CMSS1: variants seen among roughly 807,000 people sequenced by gnomAD.
The protein encoded by CMSS1 is cms1 ribosomal small subunit homolog.
CMSS1 carries 33 observed loss-of-function variants against 43.5 expected under a neutral mutation model. The ratio of observed to expected loss-of-function variants is 0.76; its 90% confidence interval spans 0.57 to 1.01. CMSS1 has a LOEUF of 1.01. CMSS1 is among the 50% of genes least tolerant of loss of function. The pLI, the probability that CMSS1 is intolerant of heterozygous loss-of-function variation, is 0.00. For synonymous variants in CMSS1, 115 were observed against 117.2 expected (o/e 0.98, Z 0.12); for missense variants, 313 against 326.4 (o/e 0.96, Z 0.32).
Position 99,920,303 on chromosome 3 carries a change from G to GA in CMSS1, c.64+102269dup, listed in dbSNP as rs546234576. Among the ~76,000 whole-genome samples, 538 of 149,958 alleles carry GA rather than the reference G, an allele frequency of 3.6e-3. 6 individuals are homozygous for GA. Among genetic ancestry groups the GA allele is most frequent in the African/African-American group, 0.011 (453 of 40,946 alleles). On this transcript the variant is annotated intron_variant, in intron 1 of 9. Transcript: ENST00000421999. ...CTTTTGCCCCATTGAAACTGAAAAA[G>GA]AAAAAAAAATATGCAAGCTTTTTTG...
At chr3:99,960,365 G>A (rs1708455564) in intron 1 of CMSS1, among the ~76,000 whole-genome samples, 1 of 152,170 alleles carries the variant, frequency 6.6e-6, no homozygotes, top group Non-Finnish European at 1.5e-5. Context: ...CTGGATGTCA[G>A]ATCAAACACT....
chr3:100,099,594 G>A (rs992214183), intron 1 of CMSS1, among the ~76,000 whole-genome samples: 1 of 152,082 alleles, frequency 6.6e-6, no homozygotes, highest in African/African-American at 2.4e-5. Flanking sequence ...TTACACAGGG[G>A]AATTACAATA....
chr3:100,119,191 G>A (rs899318996), intron 1 of CMSS1, among the ~76,000 whole-genome samples: 1 of 151,830 alleles, frequency 6.6e-6, no homozygotes, highest in Admixed American at 6.6e-5. Flanking sequence ...GGTGTTGACA[G>A]ATATATATTG....
At chr3:99,830,858 A>G (rs555487450) in intron 1 of CMSS1, among the ~76,000 whole-genome samples, 30 of 152,354 alleles carry the variant, frequency 2.0e-4, no homozygotes, top group Middle Eastern at 3.4e-3. Flanking sequence ...ATATTTGGCA[A>G]TCACGGTGTA....
chr3:100,058,555 C>T (rs2065504957), intron 1 of CMSS1, among the ~76,000 whole-genome samples: 1 of 152,190 alleles, frequency 6.6e-6, no homozygotes, highest in African/African-American at 2.4e-5. Context: ...TCAGCTTTTG[C>T]TCCTCCAACT....
intron 1 of CMSS1, among the ~76,000 whole-genome samples, chr3:99,879,889 GAGGTAT>G (rs989153745): frequency 2.4e-4 from 36 of 152,312 alleles, no homozygotes; most frequent in African/African-American, 8.4e-4. Flanking sequence ...TGCATAGGGA[GAGGTAT>G]AGTTCCATGG....
chr3:99,837,753 A>G lies in CMSS1; in HGVS notation c.64+19710A>G, dbSNP rs1004039926. On this transcript the variant is annotated intron_variant, in intron 1 of 9. Transcript: ENST00000421999. ...GGGAGTGCCAGTCTTATTAAGTTAC[A>G]GTGTTCCTTGAGAAATAGAAATCCA... is the stretch of plus-strand genomic sequence containing the variant. 3.9e-5 allele frequency among the ~76,000 whole-genome samples: 6 copies of G among 152,344 alleles called. No homozygotes were observed. In the East Asian group the frequency reaches 5.8e-4, roughly 15 times the overall value.
At chr3:100,014,181 T>C (rs567680484) in intron 1 of CMSS1, among the ~76,000 whole-genome samples, 1 of 151,076 alleles carries the variant, frequency 6.6e-6, no homozygotes, top group South Asian at 2.1e-4. Flanking sequence ...AATAGTAGTA[T>C]TACATTGTAT....
At chr3:99,876,729 C>G (rs1333309919) in intron 1 of CMSS1, among the ~76,000 whole-genome samples, 1 of 152,026 alleles carries the variant, frequency 6.6e-6, no homozygotes, top group African/African-American at 2.4e-5. Context: ...AACTACCAAA[C>G]AATTCTTCAA....
chr3:99,991,985 TATATATAC>T (rs1217591523), intron 1 of CMSS1, among the ~76,000 whole-genome samples: 19 of 150,338 alleles, frequency 1.3e-4, no homozygotes, highest in African/African-American at 4.6e-4. Flanking sequence ...CATATATGTG[TATATATAC>T]GTATATATAT....
chr3:99,918,316 G>A (rs1406729157), intron 1 of CMSS1, among the ~76,000 whole-genome samples: 6 of 152,088 alleles, frequency 3.9e-5, no homozygotes, highest in Admixed American at 2.0e-4. Context: ...TTGAGGAATG[G>A]AATTTGCCAA....
chr3:99,935,786 C>T (rs1707646050), intron 1 of CMSS1, among the ~76,000 whole-genome samples: 1 of 152,150 alleles, frequency 6.6e-6, no homozygotes, highest in African/African-American at 2.4e-5. Context: ...CTTTGTTTTC[C>T]TATGTAGTTC....
chr3:99,991,840 G>GTT (rs981431113), intron 1 of CMSS1, among the ~76,000 whole-genome samples: 5 of 148,650 alleles, frequency 3.4e-5, no homozygotes, highest in African/African-American at 7.5e-5. Context: ...ATATATATGT[G>GTT]TGTGTGTGTG....
intron 1 of CMSS1, among the ~76,000 whole-genome samples, chr3:99,892,187 T>G (rs1706104107): frequency 6.6e-6 from 1 of 152,228 alleles, no homozygotes; most frequent in African/African-American, 2.4e-5. Flanking sequence ...CTTTGAGAAC[T>G]GCATCTTGAA....
intron 1 of CMSS1, among the ~76,000 whole-genome samples, chr3:100,036,205 A>G (rs1275049413): frequency 1.3e-5 from 2 of 152,214 alleles, no homozygotes; most frequent in Non-Finnish European, 2.9e-5. Flanking sequence ...AATCAATGAC[A>G]CCTTGTAGCA....
chr3:99,850,866 T>C lies in CMSS1; in HGVS notation c.64+32823T>C, dbSNP rs200860779. The C allele has an allele frequency of 3.7e-6, 6 of 1,614,190 alleles. No homozygotes were observed. The African/African-American group carries it at 5.3e-5, about 14-fold the overall frequency. ...CTTCAGCAAGGGCTAGTTTGGTATG[T>C]GTTTCCTTTGCATTTGTGGTCAGCT... On this transcript the variant is annotated intron_variant, in intron 1 of 9. Coordinates refer to ENST00000421999, the MANE Select transcript of CMSS1 (RefSeq NM_032359.4).
At chr3:100,117,854 C>CATATATATATAT (rs58609128) in intron 1 of CMSS1, among the ~76,000 whole-genome samples, 7 of 90,746 alleles carry the variant, frequency 7.7e-5, no homozygotes, top group Non-Finnish European at 6.1e-5. Context: ...TATATATATA[C>CATATATATATAT]ATATATATAT....
At chr3:99,999,467 G>GT (rs1709780753) in intron 1 of CMSS1, among the ~76,000 whole-genome samples, 1 of 152,184 alleles carries the variant, frequency 6.6e-6, no homozygotes. Flanking sequence ...AAATTGTTTA[G>GT]TAGATTATCG....
At chr3:100,118,042 CATAGAA>C (rs1328914729) in intron 1 of CMSS1, among the ~76,000 whole-genome samples, 1 of 150,474 alleles carries the variant, frequency 6.6e-6, no homozygotes, top group Non-Finnish European at 1.5e-5. Context: ...TTGTCAAATT[CATAGAA>C]ATAGAAAGTA....
Sources: gnomAD v4.1 joint callset for allele counts (sites outside exome capture counted in the v4.1 genomes callset) on GRCh38, gnomAD v4.1.1 for gene constraint, MANE v1.5 for transcripts, NCBI Gene and HGNC (gene_info 2026-07-23, HGNC 2026-07-21) for gene names.